The following COQ8A variants were observed in gnomAD, a reference collection of about 807,000 sequenced individuals.
The protein encoded by COQ8A is atypical kinase COQ8A, mitochondrial.
Under a neutral mutation model 65.0 loss-of-function variants are expected in COQ8A, and 51 were observed. The ratio of observed to expected loss-of-function variants is 0.78; its 90% CI spans 0.63 to 0.99. The LOEUF (loss-of-function observed/expected upper bound fraction) is 0.99. Among genes scored for constraint, COQ8A ranks in the 50% least tolerant of loss-of-function variants. The pLI is 0.00. For missense variants in COQ8A, 940 were observed against 875.0 expected (o/e 1.07, Z -0.94); for synonymous variants, 371 against 353.2 (o/e 1.05, Z -0.57).
intron 14 of COQ8A, 85 bp from the exon 15 acceptor site, chr1:226,986,368 A>G (rs978155430): frequency 2.2e-5 from 32 of 1,469,788 alleles, no homozygotes; most frequent in Admixed American, 2.0e-4. Context: ...ATGAGAACTC[A>G]GCGCCCCGGG....
At chr1:226,957,318 C>T in intron 1 of COQ8A, among the ~76,000 whole-genome samples, 1 of 149,164 alleles carries the variant, frequency 6.7e-6, no homozygotes, top group Non-Finnish European at 1.5e-5. Context: ...ACACTTTGCC[C>T]AGAAGAAAGG....
At chr1:226,948,347 C>CTCTT (rs1657174713) in intron 1 of COQ8A, among the ~76,000 whole-genome samples, 1 of 152,328 alleles carries the variant, frequency 6.6e-6, no homozygotes, top group South Asian at 2.1e-4. Flanking sequence ...GCCTGCCTCC[C>CTCTT]TCTTATATGG....
Position 226,965,267 on chromosome 1 carries a change from C to T in COQ8A, c.445C>T (p.Pro149Ser), listed in dbSNP as rs863223882. ...GRANGRLFANPRDSFSAMGFQ... is the reference protein window; with the variant it reads ...GRANGRLFANSRDSFSAMGFQ... Reference sequence around the variant, plus strand: ...GGCCAACGGGAGGCTCTTTGCAAACCCCAGAGACTCATTCTCTGCCATGGG... The same window carrying T: ...GGCCAACGGGAGGCTCTTTGCAAACTCCAGAGACTCATTCTCTGCCATGGG... The change falls in exon 3 of 15, where the codon CCC becomes TCC. Residue 149 changes from proline (P) to serine (S), a missense_variant. Physicochemically the swap from Pro to Ser is moderately conservative, Grantham distance 74 (BLOSUM62 -1). Coordinates refer to ENST00000366777, the MANE Select transcript of COQ8A (RefSeq NM_020247.5). 1.2e-6 allele frequency: 2 copies of T among 1,613,904 alleles called. No individual in the cohort carries two copies. Among genetic ancestry groups the T allele is most frequent in the Admixed American group, 1.7e-5 (1 of 60,004 alleles).
At chr1:226,982,549 TTCTG>T (rs1411936034) in intron 6 of COQ8A, 125 bp from the exon 7 acceptor site, 1 of 1,027,064 alleles carries the variant, frequency 9.7e-7, no homozygotes. Context: ...GCTCCTGTCT[TTCTG>T]GCCTCACCCG....
At chr1:226,960,429 G>GCTGGTGGT (rs1658147744) in intron 1 of COQ8A, among the ~76,000 whole-genome samples, 1 of 71,032 alleles carries the variant, frequency 1.4e-5, no homozygotes, top group Non-Finnish European at 3.0e-5. Flanking sequence ...ACTTGGTGGT[G>GCTGGTGGT]GTACTTGGTG....
At chr1:226,961,605 G>A in intron 2 of COQ8A, 43 bp downstream of exon 2, 1 of 1,578,378 alleles carries the variant, frequency 6.3e-7, no homozygotes, top group Non-Finnish European at 8.6e-7. Context: ...CAGGAAGAGG[G>A]TGGGACCTGG....
chr1:226,986,768 G>C lies in COQ8A; in HGVS notation c.*31G>C. 1.2e-6 allele frequency: 2 copies of C among 1,603,766 alleles called. No individual in the cohort carries two copies. The highest frequency in any genetic ancestry group is 1.7e-6 in the Non-Finnish European group (2 of 1,177,976). ...CGGGCCACGCCCAGGCCGGCTCCGC[G>C]GGAACTCTCTCCCTCAGACAGGCCA... On this transcript the variant is annotated 3_prime_UTR_variant, in exon 15 of 15. Coordinates refer to ENST00000366777, the MANE Select transcript of COQ8A (RefSeq NM_020247.5).
intron 2 of COQ8A, among the ~76,000 whole-genome samples, chr1:226,964,745 C>T (rs967683376): frequency 1.1e-4 from 17 of 152,332 alleles, no homozygotes; most frequent in African/African-American, 2.9e-4. Context: ...GGCCTGGCCC[C>T]GGCTGGGCAC....
intron 4 of COQ8A, among the ~76,000 whole-genome samples, chr1:226,971,048 C>T (rs1174224862): frequency 2.0e-5 from 3 of 152,108 alleles, no homozygotes; most frequent in East Asian, 3.9e-4. Flanking sequence ...TCAGGTGATT[C>T]TCCTGCCTCA....
chr1:226,957,669 C>A (rs758036758), intron 1 of COQ8A, among the ~76,000 whole-genome samples: 4 of 152,114 alleles, frequency 2.6e-5, no homozygotes, highest in Admixed American at 2.0e-4. Flanking sequence ...GTGTGATAAT[C>A]TCATCTGCCG....
At chr1:226,941,925 G>A (rs1207343498) in intron 1 of COQ8A, among the ~76,000 whole-genome samples, 1 of 152,162 alleles carries the variant, frequency 6.6e-6, no homozygotes, top group Non-Finnish European at 1.5e-5. Flanking sequence ...ACCTCCCTCA[G>A]AGCCAGTGTG....
chr1:226,974,511 C>G (rs17592190), intron 4 of COQ8A, among the ~76,000 whole-genome samples: 1 of 152,172 alleles, frequency 6.6e-6, no homozygotes, highest in Non-Finnish European at 1.5e-5. Flanking sequence ...CACGAGGACC[C>G]GGGGAGTGCC....
intron 4 of COQ8A, chr1:226,975,019 G>C (rs760087533): frequency 1.3e-5 from 2 of 152,278 alleles, no homozygotes; most frequent in Non-Finnish European, 2.9e-5. Context: ...CCTCTCGTGG[G>C]CTTGTCTCTG....
chr1:226,979,667 G>A (rs2148117522), intron 5 of COQ8A, among the ~76,000 whole-genome samples: 1 of 152,288 alleles, frequency 6.6e-6, no homozygotes, highest in South Asian at 2.1e-4. Context: ...TGGGGGCCCT[G>A]CCAGTCCCCG....
At chr1:226,969,101 A>C (rs1572052631) in intron 4 of COQ8A, among the ~76,000 whole-genome samples, 1 of 152,288 alleles carries the variant, frequency 6.6e-6, no homozygotes, top group East Asian at 1.9e-4. Flanking sequence ...ATTCATGTTG[A>C]GTGCAGTGAT....
rs371486109 is a variant in COQ8A, at chr1:226,984,687, G to A, written c.1506+32G>A. ...CCCAGGGTGGGGGCACCCGCAGCCA[G>A]GCCTGAGAGCTTCTCCGAATGGGGC... On this transcript the variant is annotated intron_variant, in intron 12 of 14. Transcript: ENST00000366777. 1,583 of 1,595,062 alleles carry A rather than the reference G, an allele frequency of 9.9e-4. 2 individuals are homozygous for A. The highest frequency in any genetic ancestry group is 1.2e-3 in the Non-Finnish European group (1,452 of 1,162,542).
chr1:226,949,926 T>C lies in COQ8A; in HGVS notation c.-10+9527T>C, dbSNP rs1657270796. 6.6e-6 allele frequency among the ~76,000 whole-genome samples: 1 copy of C among 152,208 alleles called. No homozygotes were observed. The highest frequency in any genetic ancestry group is 1.5e-5 in the Non-Finnish European group (1 of 68,042). On this transcript the variant is annotated intron_variant, in intron 1 of 14. Transcript: ENST00000366777. This position sits in a 1 kb window ranked among gnomAD's most constrained non-coding sequence, Gnocchi z 4.0. The stretch of plus-strand genomic sequence containing the variant: ...CACTAGCAAGTCAGTGGCAGAGTCA[T>C]GATGTGAACCCAGATCACCTAACCT...
chr1:226,961,580 TG>T lies in COQ8A; in HGVS notation c.177+21del. The T allele has an allele frequency of 6.2e-7, 1 of 1,600,002 alleles. No homozygotes were observed. Among genetic ancestry groups the T allele is most frequent in the Non-Finnish European group, 8.5e-7 (1 of 1,170,674 alleles). On this transcript the variant is annotated intron_variant, in intron 2 of 14. Transcript: ENST00000366777. ...AGGTGCAGGTAAGGGGGCCTGGCAG[TG>T]GGAGGGGTGCTGGCAGGAAGAGGGT... is the stretch of plus-strand genomic sequence containing the variant.
chr1:226,986,447 C>G lies in COQ8A; in HGVS notation c.1660-6C>G, dbSNP rs756891792. 6.2e-7 allele frequency: 1 copy of G among 1,611,538 alleles called. No individual in the cohort carries two copies. The highest frequency in any genetic ancestry group is 1.1e-5 in the South Asian group (1 of 91,068). On this transcript the variant is annotated splice_region_variant and splice_polypyrimidine_tract_variant and intron_variant, in intron 14 of 14. Coordinates refer to ENST00000366777, the MANE Select transcript of COQ8A (RefSeq NM_020247.5). Reference sequence around the variant, plus strand: ...GCCGCCATTTATCCTTCCTCTCTTGCCCCAGGTCATGGAAGACGCCCACTT... The same window carrying G: ...GCCGCCATTTATCCTTCCTCTCTTGGCCCAGGTCATGGAAGACGCCCACTT...
Sources: allele counts gnomAD v4.1 joint callset (sites outside exome capture counted in the v4.1 genomes callset), GRCh38; gene constraint gnomAD v4.1.1; non-coding constraint Gnocchi (gnomAD v3.1); transcripts MANE v1.5; gene names NCBI Gene and HGNC (gene_info 2026-07-23, HGNC 2026-07-21).